The following FOXP2 variants were observed in gnomAD, a reference collection of about 807,000 sequenced individuals.
FOXP2 encodes the protein forkhead box P2, also known as forkhead box protein P2.
A neutral mutation model predicts 115.8 loss-of-function variants in FOXP2; 12 were observed. The observed-to-expected ratio is 0.10, with a 90% confidence interval of 0.07 to 0.17. FOXP2 has a LOEUF of 0.17. Among genes scored for constraint, FOXP2 ranks in the 10% least tolerant of loss-of-function variants. The pLI, the probability that FOXP2 is intolerant of heterozygous loss-of-function variation, is 1.00. For synonymous variants in FOXP2, 328 were observed against 297.7 expected (o/e 1.10, Z -1.05); for missense variants, 629 against 843.5 (o/e 0.75, Z 3.15).
chr7:114,644,682 C>T lies in FOXP2; in HGVS notation c.990-3C>T, dbSNP rs1423085995. On this transcript the variant is annotated splice_region_variant and splice_polypyrimidine_tract_variant and intron_variant, in intron 7 of 16. Coordinates refer to ENST00000350908, the MANE Select transcript of FOXP2 (RefSeq NM_014491.4). ...AATCTGACGTCGTGTTCTTTTGCTA[C>T]AGCTCGTCACATGAGGAGACTGGGG... The T allele has an allele frequency of 6.2e-7, 1 of 1,612,666 alleles. No homozygotes were observed. Among genetic ancestry groups the T allele is most frequent in the South Asian group, 1.1e-5 (1 of 91,060 alleles).
At chr7:114,339,993 A>T in intron 2 of FOXP2, among the ~76,000 whole-genome samples, 1 of 151,206 alleles carries the variant, frequency 6.6e-6, no homozygotes, top group East Asian at 1.9e-4. Flanking sequence ...CACAATAAAA[A>T]TATTTAAAAA....
intron 3 of FOXP2, among the ~76,000 whole-genome samples, chr7:114,562,056 T>C (rs1800784281): frequency 6.6e-6 from 1 of 152,158 alleles, no homozygotes; most frequent in Non-Finnish European, 1.5e-5. Context: ...TTCCCACATA[T>C]AGCCCACCAC....
chr7:114,464,278 T>C (rs963654031), intron 2 of FOXP2, among the ~76,000 whole-genome samples: 2 of 151,944 alleles, frequency 1.3e-5, no homozygotes, highest in African/African-American at 4.8e-5. Flanking sequence ...GAAAGGTAGG[T>C]GGGTGCTCAA....
chr7:114,293,475 C>T (rs1796660025), intron 2 of FOXP2, among the ~76,000 whole-genome samples: 1 of 152,114 alleles, frequency 6.6e-6, no homozygotes, highest in Non-Finnish European at 1.5e-5. Flanking sequence ...TCTAAGCCAC[C>T]CAGCTAAACC....
At chr7:114,176,298 T>TCTCTCTCTC (rs1554426475) in intron 1 of FOXP2, among the ~76,000 whole-genome samples, 5 of 76,558 alleles carry the variant, frequency 6.5e-5, no homozygotes, top group African/African-American at 2.7e-4. Context: ...CTTTCTTTCT[T>TCTCTCTCTC]TCTCTCTCTC....
intron 2 of FOXP2, among the ~76,000 whole-genome samples, chr7:114,354,163 T>C (rs1791560266): frequency 6.6e-6 from 1 of 152,116 alleles, no homozygotes; most frequent in South Asian, 2.1e-4. Flanking sequence ...TATCTTCTCC[T>C]TCCCCGGGAT....
At chr7:114,416,910 A>G (rs1331400798) in intron 1 of FOXP2, among the ~76,000 whole-genome samples, 1 of 151,574 alleles carries the variant, frequency 6.6e-6, no homozygotes, top group African/African-American at 2.4e-5. Context: ...TTTTTTTTTT[A>G]AACCCATGTA....
intron 1 of FOXP2, among the ~76,000 whole-genome samples, chr7:114,280,342 T>C (rs1796301017): frequency 6.6e-6 from 1 of 152,100 alleles, no homozygotes; most frequent in African/African-American, 2.4e-5. Context: ...CTCTTTCCAA[T>C]TTTTCATATA....
Position 114,422,033 on chromosome 7 carries a change from G to A in FOXP2, c.-10-4469G>A, listed in dbSNP as rs191847953. 8.0e-4 allele frequency among the ~76,000 whole-genome samples: 121 copies of A among 151,738 alleles called. 1 individual carries two copies. The Middle Eastern group carries it at 0.01, about 13-fold the overall frequency. ...TTTTCTTAATATTTAACTCTTTCTT[G>A]TGTGAATCTGCATAGAAATATTTAA... On this transcript the variant is annotated intron_variant, in intron 1 of 16. Coordinates refer to ENST00000350908, the MANE Select transcript of FOXP2 (RefSeq NM_014491.4).
intron 1 of FOXP2, among the ~76,000 whole-genome samples, chr7:114,251,153 T>A (rs1055682185): frequency 6.6e-6 from 1 of 152,194 alleles, no homozygotes; most frequent in Non-Finnish European, 1.5e-5. Context: ...TCCATTGGTC[T>A]ATCTCTCTGT....
At chr7:114,472,346 T>C (rs1449561688) in intron 2 of FOXP2, among the ~76,000 whole-genome samples, 1 of 136,490 alleles carries the variant, frequency 7.3e-6, no homozygotes, top group Non-Finnish European at 1.6e-5. Flanking sequence ...TTATAAATTC[T>C]TTTTTTTTTT....
rs952693445 is a variant in FOXP2, at chr7:114,664,322, T to C, written c.1889T>C (p.Ile630Thr). ...CCTTTGCTAAGTAATCCTGGACTGA[T>C]AAATAATGCATCCAGTGGCCTACTG... ...SLPLLSNPGLINNASSGLLQA... is the reference protein window; with the variant it reads ...SLPLLSNPGLTNNASSGLLQA... Residue 630 changes from isoleucine to threonine, a missense_variant, in exon 16 of 17, where the codon ATA becomes ACA. Physicochemically the swap from Ile to Thr is moderately conservative, Grantham distance 89. Transcript: ENST00000350908. 2 of 1,613,470 alleles carry C rather than the reference T, an allele frequency of 1.2e-6. No homozygotes were observed.
At chr7:114,166,571 G>T (rs1448940765) in intron 1 of FOXP2, among the ~76,000 whole-genome samples, 1 of 152,132 alleles carries the variant, frequency 6.6e-6, no homozygotes, top group African/African-American at 2.4e-5. Context: ...CAGGCATGGT[G>T]GCATGTGCCT....
intron 2 of FOXP2, among the ~76,000 whole-genome samples, chr7:114,298,855 T>A (rs529692386): frequency 6.6e-6 from 1 of 152,306 alleles, no homozygotes; most frequent in Non-Finnish European, 1.5e-5. Flanking sequence ...ATCAGTTAAC[T>A]TCTGAATTAT....
chr7:114,649,309 G>T (rs1378390956), intron 8 of FOXP2, among the ~76,000 whole-genome samples: 1 of 152,076 alleles, frequency 6.6e-6, no homozygotes, highest in Non-Finnish European at 1.5e-5. Context: ...GCATAAGATA[G>T]TATTATGGAG....
intron 3 of FOXP2, among the ~76,000 whole-genome samples, chr7:114,559,723 A>C (rs978195574): frequency 4.1e-4 from 62 of 152,084 alleles, no homozygotes; most frequent in African/African-American, 1.4e-3. Flanking sequence ...TCTACTAAAA[A>C]AAACACCACA....
intron 4 of FOXP2, chr7:114,629,447 T>C: frequency 1.4e-6 from 1 of 704,520 alleles, no homozygotes; most frequent in East Asian, 2.7e-5. Context: ...AGCAACCTGA[T>C]TTTATGTAGC....
intron 6 of FOXP2, among the ~76,000 whole-genome samples, chr7:114,635,702 C>T (rs1298371623): frequency 2.0e-5 from 3 of 152,124 alleles, no homozygotes; most frequent in Non-Finnish European, 2.9e-5. Context: ...GAATGTATAA[C>T]ATTAAAATGA....
intron 6 of FOXP2, among the ~76,000 whole-genome samples, chr7:114,640,005 G>A (rs1043426917): frequency 2.0e-5 from 3 of 152,116 alleles, no homozygotes; most frequent in Non-Finnish European, 4.4e-5. Context: ...TTCAAGGCAA[G>A]GTAATAGCAG....
Sources: allele counts gnomAD v4.1 joint callset (sites outside exome capture counted in the v4.1 genomes callset), GRCh38; gene constraint gnomAD v4.1.1; transcripts MANE v1.5; gene names NCBI Gene and HGNC (gene_info 2026-07-23, HGNC 2026-07-21).